ROS1: variants seen among roughly 807,000 people sequenced by gnomAD.
ROS1 encodes proto-oncogene tyrosine-protein kinase ROS.
In ROS1, 263 loss-of-function variants were observed where a neutral mutation model predicts 273.5. That is an observed-to-expected ratio of 0.96 (90% CI 0.87 to 1.06). The LOEUF (loss-of-function observed/expected upper bound fraction) is 1.06. Among genes scored for constraint, ROS1 ranks in the 50% least tolerant of loss-of-function variants. The pLI is 0.00. For missense variants in ROS1, 2,833 were observed against 2,751.1 expected (o/e 1.03, Z -0.67); for synonymous variants, 1,008 against 954.1 (o/e 1.06, Z -1.04).
Position 117,326,419 on chromosome 6 carries a change from A to G in ROS1, c.5349-5T>C. The stretch of plus-strand genomic sequence containing the variant: ...AAATTATTTGAAGTGCTCTTTCTGC[A>G]AAAAATAATAAATACAGAAAATATA... On this transcript the variant is annotated splice_region_variant and splice_polypyrimidine_tract_variant and intron_variant, in intron 33 of 43. Transcript: ENST00000368507. 1 of 1,473,574 alleles carries G rather than the reference A, an allele frequency of 6.8e-7. No homozygotes were observed. Among genetic ancestry groups the G allele is most frequent in the Non-Finnish European group, 9.1e-7 (1 of 1,099,052 alleles). The allele number at this position is 1,473,574 out of a possible 1,614,324, so 91.3% of individuals were successfully genotyped here. A position where few individuals can be genotyped will look rare whatever the true frequency, so the allele number is the denominator to read the frequency against.
chr6:117,315,564 T>C (rs530228272), intron 39 of ROS1, among the ~76,000 whole-genome samples: 15 of 152,248 alleles, frequency 9.9e-5, no homozygotes, highest in Admixed American at 3.3e-4. Flanking sequence ...GTAGTGGCTT[T>C]ATCTGTTAGA....
intron 29 of ROS1, among the ~76,000 whole-genome samples, 182 bp from the exon 30 acceptor site, chr6:117,341,814 T>A (rs984039200): frequency 2.0e-5 from 3 of 152,144 alleles, no homozygotes; most frequent in Non-Finnish European, 4.4e-5. Context: ...AGGCTCCCAC[T>A]TATTTTTGCC....
chr6:117,294,366 A>C lies in ROS1; in HGVS notation c.6716-5564T>G, dbSNP rs111287780. On this transcript the variant is annotated intron_variant, in intron 43 of 43. Transcript: ENST00000368507. The stretch of plus-strand genomic sequence containing the variant: ...ATCTCATAAAAGGCATTCACAGATA[A>C]TATTATCTTATATCTAGAAAAACCT... Among the ~76,000 whole-genome samples, 239 of 152,268 alleles carry C rather than the reference A, an allele frequency of 1.6e-3. 1 individual carries two copies. The highest frequency in any genetic ancestry group is 5.5e-3 in the African/African-American group (227 of 41,566).
At chr6:117,339,534 T>C (rs1190881959) in intron 31 of ROS1, among the ~76,000 whole-genome samples, 1 of 152,150 alleles carries the variant, frequency 6.6e-6, no homozygotes, top group Non-Finnish European at 1.5e-5. Flanking sequence ...CATTGTGAGA[T>C]AGGCTCAAGT....
intron 4 of ROS1, among the ~76,000 whole-genome samples, chr6:117,411,593 G>T (rs1413586633): frequency 1.3e-5 from 2 of 152,030 alleles, no homozygotes; most frequent in Non-Finnish European, 2.9e-5. Flanking sequence ...CATCTTTATT[G>T]TCCCTCTGGC....
chr6:117,349,531 C>G (rs1431853447), intron 27 of ROS1, among the ~76,000 whole-genome samples: 1 of 151,944 alleles, frequency 6.6e-6, no homozygotes, highest in Non-Finnish European at 1.5e-5. Context: ...CAACTTCTGT[C>G]TTTTAGTTGG....
intron 16 of ROS1, 115 bp from the exon 17 acceptor site, chr6:117,383,623 A>G: frequency 1.2e-6 from 1 of 831,802 alleles, no homozygotes; most frequent in South Asian, 1.6e-5. Flanking sequence ...ATTCAACCAC[A>G]AATAGTGATT....
rs577554339 is a variant in ROS1, at chr6:117,331,953, A to C, written c.5231-2507T>G. 3.3e-5 allele frequency among the ~76,000 whole-genome samples: 5 copies of C among 152,250 alleles called. No individual in the cohort carries two copies. In the South Asian group the frequency reaches 1.0e-3, roughly 32 times the overall value. ...ATCAACTAGCATGCAAAATAACCAA[A>C]TAGCATCATGGTGACAGGATCAAAC... On this transcript the variant is annotated intron_variant, in intron 32 of 43. Coordinates refer to ENST00000368507, the MANE Select transcript of ROS1 (RefSeq NM_001378902.1).
intron 33 of ROS1, chr6:117,328,825 T>C (rs581235): frequency 0.14 from 84,553 of 612,988 alleles, 6,116 homozygotes; most frequent in East Asian, 0.18. Context: ...TGGGAACACA[T>C]TGCAAACTGT....
intron 6 of ROS1, 120 bp downstream of exon 6, chr6:117,404,160 G>A (rs2128725689): frequency 1.1e-6 from 1 of 887,264 alleles, no homozygotes; most frequent in East Asian, 2.6e-5. Context: ...GGCGGAGCTT[G>A]CAGTAAGCTG....
chr6:117,382,739 C>T (rs541092424), intron 17 of ROS1, among the ~76,000 whole-genome samples: 14 of 151,986 alleles, frequency 9.2e-5, no homozygotes, highest in South Asian at 4.1e-4. Flanking sequence ...AGCTTAACTA[C>T]GGAGCATTTA....
intron 27 of ROS1, among the ~76,000 whole-genome samples, chr6:117,349,816 A>G (rs1778667885): frequency 6.6e-6 from 1 of 152,112 alleles, no homozygotes; most frequent in South Asian, 2.1e-4. Context: ...CCACCTTCAA[A>G]CAACACTATA....
chr6:117,350,185 C>T (rs536557191), intron 27 of ROS1, among the ~76,000 whole-genome samples: 1 of 152,138 alleles, frequency 6.6e-6, no homozygotes, highest in African/African-American at 2.4e-5. Context: ...CTACTGATAA[C>T]AAATTCTCTC....
chr6:117,311,086 A>G lies in ROS1; in HGVS notation c.6149T>C (p.Leu2050Pro), dbSNP rs2128549994. 3 of 1,610,668 alleles carry G rather than the reference A, an allele frequency of 1.9e-6. No individual in the cohort carries two copies. The highest frequency in any genetic ancestry group is 1.7e-4 in the Middle Eastern group (1 of 6,042). ...TGAAATATCTACACACAGGTCTACA[A>G]GGTCAACCAAGGTGAGTAAAGGACC... ...FYGPLLTLVDLVDLCVDISKG... is the reference protein window; with the variant it reads ...FYGPLLTLVDPVDLCVDISKG... The change falls in exon 40 of 44, where the codon CTT becomes CCT. Residue 2050 changes from leucine (L) to proline (P), a missense_variant. Physicochemically the swap from Leu to Pro is moderately conservative, Grantham distance 98. Transcript: ENST00000368507.
Position 117,344,096 on chromosome 6 carries a change from G to C in ROS1, c.4470C>G (p.Asp1490Glu), listed in dbSNP as rs1778173843. 2 of 1,613,782 alleles carry C rather than the reference G, an allele frequency of 1.2e-6. No individual in the cohort carries two copies. The highest frequency in any genetic ancestry group is 2.7e-5 in the African/African-American group (2 of 74,882). The change falls in exon 28 of 44, where the codon GAC becomes GAG. Residue 1490 changes from aspartate to glutamate, a missense_variant. By Grantham distance (45) the Asp-to-Glu change is conservative. Transcript: ENST00000368507. ...TYLVYYAEVN[D>E]RKNSSDLKYR... The stretch of plus-strand genomic sequence containing the variant: ...ATTTCAAGTCAGAGCTGTTTTTCCT[G>C]TCATTAACTTCTGCATAATAAACCA...
chr6:117,383,610 T>C (rs780951426), intron 16 of ROS1, 102 bp from the exon 17 acceptor site: 67 of 909,996 alleles, frequency 7.4e-5, no homozygotes, highest in Non-Finnish European at 1.1e-4. Flanking sequence ...TAATCATTCA[T>C]TCATTCAACC....
chr6:117,362,322 T>TC (rs1262604700), intron 22 of ROS1, among the ~76,000 whole-genome samples: 1 of 90,148 alleles, frequency 1.1e-5, no homozygotes, highest in Admixed American at 1.6e-4. Flanking sequence ...CTGTTTAAAC[T>TC]TTTTTTTTTA....
chr6:117,389,302 C>A (rs538763378), intron 13 of ROS1, 48 bp downstream of exon 13: 5 of 1,545,704 alleles, frequency 3.2e-6, no homozygotes, highest in South Asian at 2.5e-5. Flanking sequence ...TCAAACCTTC[C>A]TCTTATTCCA....
At chr6:117,314,821 C>T (rs1333745410) in intron 39 of ROS1, among the ~76,000 whole-genome samples, 1 of 152,078 alleles carries the variant, frequency 6.6e-6, no homozygotes, top group African/African-American at 2.4e-5. Context: ...ATTGGAGGAC[C>T]CCCAGTGGAA....
Sources: gnomAD v4.1 joint callset for allele counts (sites outside exome capture counted in the v4.1 genomes callset) on GRCh38, gnomAD v4.1.1 for gene constraint, MANE v1.5 for transcripts, NCBI Gene and HGNC (gene_info 2026-07-23, HGNC 2026-07-21) for gene names.